HPR: variants seen among roughly 807,000 people sequenced by gnomAD.
HPR encodes haptoglobin-related protein, also known as Haptoglobin-related locus.
HPR carries 17 observed loss-of-function variants against 18.5 expected under a neutral mutation model. The ratio of observed to expected loss-of-function variants is 0.92; its 90% CI spans 0.63 to 1.38. The LOEUF is 1.38. Among genes scored for constraint, HPR ranks in the 40% most tolerant of loss-of-function variants. HPR has a pLI of 0.00. For missense variants in HPR, 457 were observed against 432.4 expected, an observed-to-expected ratio of 1.06 and a Z score of -0.51; for synonymous variants, 176 against 165.0, an observed-to-expected ratio of 1.07 and a Z score of -0.51.
At chr16:72,074,260 T>C (rs1487502018) in intron 2 of HPR, 24 bp from the exon 3 acceptor site, 3 of 1,599,762 alleles carry the variant, frequency 1.9e-6, no homozygotes, top group African/African-American at 2.7e-5. Flanking sequence ...AATGGTAAAC[T>C]CTCTGGCTTC....
chr16:72,065,997 CA>C (rs1384445384), intron 1 of HPR, among the ~76,000 whole-genome samples: 3 of 152,200 alleles, frequency 2.0e-5, no homozygotes, highest in African/African-American at 7.2e-5. Context: ...CCCTGACTCT[CA>C]GGGGCAGTCG....
chr16:72,066,861 C>G (rs1196641251), intron 1 of HPR, among the ~76,000 whole-genome samples: 3 of 152,156 alleles, frequency 2.0e-5, no homozygotes, highest in Admixed American at 1.3e-4. Flanking sequence ...TATCTACTTT[C>G]CAGCAGGTGG....
chr16:72,071,317 T>C (rs1437713507), intron 1 of HPR, among the ~76,000 whole-genome samples: 1 of 152,206 alleles, frequency 6.6e-6, no homozygotes, highest in Non-Finnish European at 1.5e-5. Context: ...AAATATTCCA[T>C]CTGCACTTTA....
chr16:72,073,457 T>A (rs1461748552), intron 1 of HPR, among the ~76,000 whole-genome samples: 12 of 152,174 alleles, frequency 7.9e-5, no homozygotes, highest in Non-Finnish European at 1.5e-4. Flanking sequence ...TGTTCCCATC[T>A]TTGAGTTATC....
At position 72,073,878 on chromosome 16, in the gene HPR, T is replaced by C; in HGVS notation, c.6-14T>C. On this transcript the variant is annotated splice_polypyrimidine_tract_variant and intron_variant, in intron 1 of 4. Coordinates refer to ENST00000540303, the MANE Select transcript of HPR (RefSeq NM_020995.4). ...GAGACCAGCTTTCCGCTCCTTCTTG[T>C]TTTCTCTCTGCAGTGACCTGGGAGC... 1.2e-6 allele frequency: 2 copies of C among 1,613,874 alleles called. No homozygotes were observed. Among genetic ancestry groups the C allele is most frequent in the Non-Finnish European group, 1.7e-6 (2 of 1,179,948 alleles).
At chr16:72,073,833 T>C in intron 1 of HPR, 59 bp from the exon 2 acceptor site, 4 of 1,611,626 alleles carry the variant, frequency 2.5e-6, no homozygotes, top group Non-Finnish European at 3.4e-6. Context: ...TGTGGATGCA[T>C]GCATGTGCTG....
intron 1 of HPR, among the ~76,000 whole-genome samples, chr16:72,069,206 T>C (rs1242974602): frequency 2.0e-5 from 3 of 152,084 alleles, no homozygotes; most frequent in Non-Finnish European, 4.4e-5. Context: ...CTCATACATT[T>C]GGAAAAAGTT....
intron 3 of HPR, 66 bp from the exon 4 acceptor site, chr16:72,075,079 C>A: frequency 1.4e-6 from 1 of 701,594 alleles, no homozygotes; most frequent in Non-Finnish European, 2.6e-6. Flanking sequence ...CCTTAAATGC[C>A]TTCTCACTCT....
At chr16:72,074,109 ACTG>A in intron 2 of HPR, 132 bp downstream of exon 2, 1 of 1,350,136 alleles carries the variant, frequency 7.4e-7, no homozygotes, top group Non-Finnish European at 1.0e-6. Flanking sequence ...GGCTTTCAGG[ACTG>A]CCAAGAACAT....
Position 72,076,689 on chromosome 16 carries a change from C to A in HPR, c.655C>A (p.Arg219Ser). The A allele has an allele frequency of 1.2e-6, 2 of 1,614,110 alleles. No homozygotes were observed. Among genetic ancestry groups the A allele is most frequent in the Non-Finnish European group, 1.7e-6 (2 of 1,180,026 alleles). ...TTCAAAGAATTATGCAGAAGTAGGG[C>A]GTGTGGGTTACGTGTCTGGCTGGGG... ...LPSKNYAEVG[R>S]VGYVSGWGQS... The change falls in exon 5 of 5, where the codon CGT (arginine) becomes AGT (serine). Residue 219 changes from arginine (R) to serine (S), a missense_variant. Physicochemically the swap from Arg to Ser is moderately radical, Grantham distance 110. Coordinates refer to ENST00000540303, the MANE Select transcript of HPR (RefSeq NM_020995.4).
In HPR at chr16:72,076,820, ATG is replaced by A. The variant is rs1165727688; in HGVS notation, c.787_788del (p.Trp263GlufsTer24). On this transcript the variant is annotated frameshift_variant, in exon 5 of 5. Coordinates refer to ENST00000540303, the MANE Select transcript of HPR (RefSeq NM_020995.4). LOFTEE classifies it high-confidence loss of function. The stretch of plus-strand genomic sequence containing the variant: ...ATTATGAAGGCAGCACATGCCCCAA[ATG>A]GAAGGCACCGAAGAGCCCTGTAGGG... ...THYEGSTCPKWKAPKSPVGVQ... is the reference protein window; with the variant it reads ...THYEGSTCPKXKAPKSPVGVQ... The A allele has an allele frequency of 3.7e-6, 6 of 1,614,120 alleles. No individual in the cohort carries two copies. The African/African-American group carries it at 5.3e-5, about 14-fold the overall frequency.
intron 1 of HPR, among the ~76,000 whole-genome samples, chr16:72,065,488 A>T (rs2041588499): frequency 6.6e-6 from 1 of 152,160 alleles, no homozygotes; most frequent in Non-Finnish European, 1.5e-5. Context: ...TGAAAATAGT[A>T]ACAAGGATAT....
intron 1 of HPR, among the ~76,000 whole-genome samples, chr16:72,067,603 C>T (rs926107665): frequency 3.3e-5 from 5 of 152,156 alleles, no homozygotes; most frequent in Non-Finnish European, 7.3e-5. Flanking sequence ...CTGAGGAAAG[C>T]TTCGAATTCT....
At chr16:72,066,330 C>T (rs2041597333) in intron 1 of HPR, among the ~76,000 whole-genome samples, 1 of 152,074 alleles carries the variant, frequency 6.6e-6, no homozygotes, top group Non-Finnish European at 1.5e-5. Context: ...AATGTCTATC[C>T]TAGGCATCTT....
intron 2 of HPR, 37 bp from the exon 3 acceptor site, chr16:72,074,247 C>T (rs1478201079): frequency 1.3e-6 from 2 of 1,583,142 alleles, no homozygotes; most frequent in African/African-American, 2.7e-5. Context: ...GGAACAATTT[C>T]CAAATGGTAA....
intron 1 of HPR, among the ~76,000 whole-genome samples, chr16:72,070,881 C>G (rs1230598085): frequency 6.6e-6 from 1 of 152,140 alleles, no homozygotes. Context: ...GGTGGACAGC[C>G]AGGCCCCCTT....
chr16:72,072,381 C>T (rs2041666986), intron 1 of HPR, among the ~76,000 whole-genome samples: 1 of 152,144 alleles, frequency 6.6e-6, no homozygotes, highest in South Asian at 2.1e-4. Flanking sequence ...GTCAAATGGC[C>T]TGGGAAAATA....
chr16:72,072,109 A>G (rs534256960), intron 1 of HPR, among the ~76,000 whole-genome samples: 1 of 152,210 alleles, frequency 6.6e-6, no homozygotes, highest in Admixed American at 6.5e-5. Flanking sequence ...CCTGGGTCCA[A>G]GCAATTCTTC....
intron 1 of HPR, among the ~76,000 whole-genome samples, chr16:72,071,398 G>C (rs541494522): frequency 6.6e-6 from 1 of 152,290 alleles, no homozygotes; most frequent in Admixed American, 6.5e-5. Context: ...CCACTCAGAT[G>C]GTCTTCTAAC....
Sources: gnomAD v4.1 joint callset for allele counts (sites outside exome capture counted in the v4.1 genomes callset) on GRCh38, gnomAD v4.1.1 for gene constraint, MANE v1.5 for transcripts, NCBI Gene and HGNC (gene_info 2026-07-23, HGNC 2026-07-21) for gene names.